RNF217: variants seen among roughly 807,000 people sequenced by gnomAD.
RNF217 encodes ring finger protein 217.
Under a neutral mutation model 57.8 loss-of-function variants are expected in RNF217, and 31 were observed. The observed-to-expected ratio is 0.54, with a 90% CI of 0.40 to 0.72. The LOEUF (loss-of-function observed/expected upper bound fraction) is 0.72. Among genes scored for constraint, RNF217 ranks in the 30% least tolerant of loss-of-function variants. RNF217 has a pLI of 0.00. For missense variants in RNF217, 696 were observed against 708.3 expected, an observed-to-expected ratio of 0.98 and a Z score of 0.20; for synonymous variants, 313 against 294.0, an observed-to-expected ratio of 1.06 and a Z score of -0.66.
At chr6:125,019,154 C>T (rs1200014455) in intron 1 of RNF217, among the ~76,000 whole-genome samples, 1 of 152,198 alleles carries the variant, frequency 6.6e-6, no homozygotes, top group Non-Finnish European at 1.5e-5. Context: ...TACTGCATCT[C>T]TCTTAAATGC....
rs1288181568 is a variant in RNF217 at position 125,084,729 on chromosome 6, T to A, written c.*1792T>A. 6.6e-6 allele frequency: 1 copy of A among 151,960 alleles called. No individual in the cohort carries two copies. The highest frequency in any genetic ancestry group is 1.5e-5 in the Non-Finnish European group (1 of 67,870). The allele number at this position is 151,960 out of a possible 1,614,324, so 9.4% of individuals were successfully genotyped here. On this transcript the variant is annotated 3_prime_UTR_variant, in exon 6 of 6. Transcript: ENST00000521654. ...GTCTATTTCCAGTTAGAGGAGTGTG[T>A]GACATTTATGGTTTGGGAATAGCAT...
intron 2 of RNF217, among the ~76,000 whole-genome samples, chr6:125,053,902 TA>T (rs1322361198): frequency 6.6e-6 from 1 of 152,184 alleles, no homozygotes; most frequent in Non-Finnish European, 1.5e-5. Context: ...TAGTGCTTAG[TA>T]AAAGTTCATT....
intron 1 of RNF217, among the ~76,000 whole-genome samples, chr6:125,009,985 C>CTTTT (rs66917505): frequency 7.2e-6 from 1 of 138,960 alleles, no homozygotes; most frequent in African/African-American, 2.7e-5. Context: ...GCTTAGCATT[C>CTTTT]TTTTTTTTTT....
intron 3 of RNF217, 25 bp downstream of exon 3, chr6:125,058,131 GA>G: frequency 3.8e-6 from 6 of 1,585,628 alleles, no homozygotes; most frequent in Non-Finnish European, 4.3e-6. Context: ...AGGAGGAAAA[GA>G]AAAAACATGT....
At chr6:124,990,574 C>G (rs1784522929) in intron 1 of RNF217, among the ~76,000 whole-genome samples, 1 of 152,172 alleles carries the variant, frequency 6.6e-6, no homozygotes, top group African/African-American at 2.4e-5. Context: ...AACTCTGACT[C>G]TTCTTTCTGT....
At chr6:125,020,743 A>G (rs1562471506) in intron 1 of RNF217, among the ~76,000 whole-genome samples, 1 of 152,194 alleles carries the variant, frequency 6.6e-6, no homozygotes, top group Admixed American at 6.5e-5. Flanking sequence ...TATACTATGT[A>G]TGGACTATTA....
intron 1 of RNF217, among the ~76,000 whole-genome samples, chr6:125,036,497 G>A (rs376044168): frequency 9.2e-5 from 14 of 152,132 alleles, no homozygotes; most frequent in African/African-American, 2.9e-4. Flanking sequence ...AAAAGGAATC[G>A]CAACAAAAGC....
chr6:124,984,558 A>AAAG (rs76551797), intron 1 of RNF217, among the ~76,000 whole-genome samples: 3 of 150,728 alleles, frequency 2.0e-5, no homozygotes, highest in African/African-American at 7.3e-5. Flanking sequence ...AAAAAAAAAA[A>AAAG]AAAGAAAGAA....
At chr6:125,074,951 T>C (rs1280254454) in intron 3 of RNF217, among the ~76,000 whole-genome samples, 1 of 152,168 alleles carries the variant, frequency 6.6e-6, no homozygotes, top group African/African-American at 2.4e-5. Flanking sequence ...CCTCCACTAG[T>C]CAAAATGGTA....
At chr6:124,980,238 A>G (rs1784113774) in intron 1 of RNF217, among the ~76,000 whole-genome samples, 1 of 152,204 alleles carries the variant, frequency 6.6e-6, no homozygotes, top group Admixed American at 6.5e-5. Flanking sequence ...TGATTGTCAG[A>G]ATCAGTTTTT....
intron 4 of RNF217, among the ~76,000 whole-genome samples, chr6:125,078,641 G>A (rs1390209964): frequency 3.9e-5 from 6 of 152,078 alleles, no homozygotes; most frequent in Admixed American, 6.6e-5. Context: ...AGTCATAAGG[G>A]CTCTGCTCTC....
chr6:125,077,317 A>G (rs1429716258), intron 4 of RNF217, among the ~76,000 whole-genome samples: 2 of 152,182 alleles, frequency 1.3e-5, no homozygotes, highest in Non-Finnish European at 2.9e-5. Flanking sequence ...ATAGAGTTCC[A>G]TTATGTCTAT....
chr6:124,979,708 A>C (rs188474345), intron 1 of RNF217, among the ~76,000 whole-genome samples: 77 of 152,352 alleles, frequency 5.1e-4, no homozygotes, highest in African/African-American at 1.8e-3. Context: ...TATTTCAACT[A>C]TGATGGTAAA....
At chr6:125,038,871 T>C (rs889901970) in intron 1 of RNF217, among the ~76,000 whole-genome samples, 1 of 152,148 alleles carries the variant, frequency 6.6e-6, no homozygotes, top group African/African-American at 2.4e-5. Context: ...ATGCAGGATG[T>C]GTAGGTTTGT....
At position 124,985,214 on chromosome 6, in the gene RNF217, A is replaced by C. The variant is rs531196947; in HGVS notation, c.882+21788A>C. 8.1e-4 allele frequency among the ~76,000 whole-genome samples: 124 copies of C among 152,354 alleles called. 3 individuals carry two copies. The highest frequency in any genetic ancestry group is 6.4e-3 in the South Asian group (31 of 4,832). On this transcript the variant is annotated intron_variant, in intron 1 of 5. Transcript: ENST00000521654. The stretch of plus-strand genomic sequence containing the variant: ...GGATGTTCACACACTGTTTGTTCCC[A>C]GAAAAACTCCTGCACTTGTGTAAGA...
chr6:124,962,594 C>G lies in RNF217; in HGVS notation c.50C>G (p.Ser17Trp). The G allele has an allele frequency of 1.5e-6, 2 of 1,294,042 alleles. No individual in the cohort carries two copies. Among genetic ancestry groups the G allele is most frequent in the Non-Finnish European group, 1.9e-6 (2 of 1,027,298 alleles). The allele number at this position is 1,294,042 out of a possible 1,614,324, so 80.2% of individuals were successfully genotyped here. A position where few individuals can be genotyped will look rare whatever the true frequency, so the allele number is the denominator to read the frequency against. ...AGCGGCGGCGGCGGGCCCCAGGAGT[C>G]GCAGACCCTGGCCAGTGGCACTGCG... The part of the protein sequence containing the change: ...TVSGGGGPQE[S>W]QTLASGTAGH... The change falls in exon 1 of 6, where the codon TCG (serine) becomes TGG (tryptophan). Residue 17 changes from serine (S) to tryptophan (W), a missense_variant. Ser to Trp is a radical substitution (Grantham distance 177). Coordinates refer to ENST00000521654, the MANE Select transcript of RNF217 (RefSeq NM_001286398.3). This position sits in a 1 kb window ranked among gnomAD's most constrained non-coding sequence, Gnocchi z 4.6.
intron 1 of RNF217, among the ~76,000 whole-genome samples, chr6:125,019,258 T>C (rs1785732077): frequency 6.6e-6 from 1 of 152,194 alleles, no homozygotes; most frequent in African/African-American, 2.4e-5. Flanking sequence ...CAATCGTAGC[T>C]ATTTATTTTG....
chr6:125,033,224 A>G (rs1247438482), intron 1 of RNF217, among the ~76,000 whole-genome samples: 1 of 147,904 alleles, frequency 6.8e-6, no homozygotes, highest in African/African-American at 2.5e-5. Flanking sequence ...CTTAAGTTTT[A>G]GGGTACATGT....
chr6:125,072,595 A>G (rs923717663), intron 3 of RNF217, among the ~76,000 whole-genome samples: 12 of 152,334 alleles, frequency 7.9e-5, no homozygotes, highest in Middle Eastern at 3.4e-3. Flanking sequence ...ATGAAGCAAT[A>G]TTACAAACAG....
Sources: allele counts gnomAD v4.1 joint callset (sites outside exome capture counted in the v4.1 genomes callset), GRCh38; gene constraint gnomAD v4.1.1; non-coding constraint Gnocchi (gnomAD v3.1); transcripts MANE v1.5; gene names NCBI Gene and HGNC (gene_info 2026-07-23, HGNC 2026-07-21).